The following MAP3K13 variants were observed in gnomAD, a reference collection of about 807,000 sequenced individuals.
MAP3K13 encodes leucine zipper-bearing kinase.
MAP3K13 carries 52 observed loss-of-function variants against 104.0 expected under a neutral mutation model. The ratio of observed to expected loss-of-function variants is 0.50; its 90% confidence interval spans 0.40 to 0.63. The LOEUF (loss-of-function observed/expected upper bound fraction) is 0.63. MAP3K13 is among the 20% of genes least tolerant of loss of function. MAP3K13 has a pLI of 0.00. For missense variants in MAP3K13, 914 were observed against 1,218.5 expected (o/e 0.75, Z 3.72); for synonymous variants, 394 against 442.2 (o/e 0.89, Z 1.37).
Position 185,483,102 on chromosome 3 carries a change from G to C in MAP3K13, c.*646G>C, listed in dbSNP as rs1341906384. On this transcript the variant is annotated 3_prime_UTR_variant, in exon 14 of 14. Transcript: ENST00000265026. ...ATGACCTAGAAAAGTCTGGTGACCAGATACTTGCACCCAATGTCTTCAAGG... is the reference window on the plus strand; with the variant it reads ...ATGACCTAGAAAAGTCTGGTGACCACATACTTGCACCCAATGTCTTCAAGG... 3 of 232,962 alleles carry C rather than the reference G, an allele frequency of 1.3e-5. No individual in the cohort carries two copies. The highest frequency in any genetic ancestry group is 4.4e-5 in the African/African-American group (2 of 45,346). The allele number at this position is 232,962 out of a possible 1,614,324, so 14.4% of individuals were successfully genotyped here.
intron 1 of MAP3K13, among the ~76,000 whole-genome samples, chr3:185,411,678 T>C (rs9985276): frequency 0.63 from 96,020 of 152,040 alleles, 30,614 homozygotes; most frequent in Non-Finnish European, 0.68. Context: ...TTAAATGTTA[T>C]TTTAAAAATG....
chr3:185,331,287 G>A (rs375798846), intron 2 of MAP3K13, among the ~76,000 whole-genome samples: 19 of 151,948 alleles, frequency 1.3e-4, no homozygotes, highest in African/African-American at 3.9e-4. Context: ...AGGAGATGGG[G>A]TTTCTCCATG....
At chr3:185,351,124 C>T (rs1047028984) in intron 2 of MAP3K13, among the ~76,000 whole-genome samples, 6 of 152,192 alleles carry the variant, frequency 3.9e-5, no homozygotes, top group Non-Finnish European at 7.4e-5. Context: ...GCACTAAACA[C>T]CACGTGTTCT....
intron 1 of MAP3K13, among the ~76,000 whole-genome samples, chr3:185,393,246 T>G (rs1424132709): frequency 6.6e-6 from 1 of 152,122 alleles, no homozygotes; most frequent in Non-Finnish European, 1.5e-5. Context: ...CATTAATTAA[T>G]GAGGAAACTA....
intron 1 of MAP3K13, among the ~76,000 whole-genome samples, chr3:185,371,167 T>G (rs1285171538): frequency 6.6e-6 from 1 of 152,196 alleles, no homozygotes. Context: ...AAAAAAAAGA[T>G]AAATTTTAAA....
At chr3:185,306,154 T>C (rs1473011993) in intron 2 of MAP3K13, among the ~76,000 whole-genome samples, 1 of 152,244 alleles carries the variant, frequency 6.6e-6, no homozygotes, top group Non-Finnish European at 1.5e-5. Flanking sequence ...GGTATACATA[T>C]ATCAAATTTT....
intron 10 of MAP3K13, among the ~76,000 whole-genome samples, chr3:185,467,464 T>C (rs1357400887): frequency 6.6e-6 from 1 of 152,186 alleles, no homozygotes; most frequent in East Asian, 1.9e-4. Flanking sequence ...GCAAACTCAC[T>C]GTATTAGTCC....
At chr3:185,395,357 C>CTTTCTTTTTTTTTTTTTTTT (rs1553798321) in intron 1 of MAP3K13, among the ~76,000 whole-genome samples, 11 of 69,978 alleles carry the variant, frequency 1.6e-4, no homozygotes, top group East Asian at 5.3e-4. Context: ...AATATTATTT[C>CTTTCTTTTTTTTTTTTTTTT]TTTTTTTTTT....
At position 185,418,538 on chromosome 3, in the gene MAP3K13, C is replaced by A; in HGVS notation, c.-85-9959C>A. The A allele has an allele frequency of 1.2e-6, 2 of 1,612,194 alleles. No individual in the cohort carries two copies. The highest frequency in any genetic ancestry group is 3.3e-5 in the Admixed American group (2 of 60,018). On this transcript the variant is annotated intron_variant, in intron 1 of 13. Transcript: ENST00000265026. This position sits in a 1 kb window ranked among gnomAD's most constrained non-coding sequence, Gnocchi z 4.5. ...TGGCCAGAGCGGTGAGTCCCACCAC[C>A]TCGAACTCTGGGAATTCGAGCCATA...
chr3:185,414,087 G>A (rs1464769521), intron 1 of MAP3K13, among the ~76,000 whole-genome samples: 1 of 152,136 alleles, frequency 6.6e-6, no homozygotes, highest in African/African-American at 2.4e-5. Context: ...GAGTGGAACT[G>A]GGTTCAATTC....
intron 1 of MAP3K13, among the ~76,000 whole-genome samples, chr3:185,391,693 C>T (rs569539489): frequency 1.3e-4 from 20 of 152,226 alleles, no homozygotes; most frequent in Admixed American, 5.2e-4. Context: ...TCTACTGTAG[C>T]CATTTCATGT....
chr3:185,415,415 C>T (rs1345684353), intron 1 of MAP3K13, among the ~76,000 whole-genome samples: 1 of 151,996 alleles, frequency 6.6e-6, no homozygotes, highest in East Asian at 1.9e-4. Context: ...GCTTCAGCCT[C>T]CCAAAGTGCT....
intron 1 of MAP3K13, among the ~76,000 whole-genome samples, chr3:185,382,863 A>T (rs867222549): frequency 3.3e-5 from 5 of 151,680 alleles, no homozygotes; most frequent in South Asian, 2.1e-4. Flanking sequence ...TTAATTAATT[A>T]ATTTATTATT....
intron 1 of MAP3K13, among the ~76,000 whole-genome samples, chr3:185,284,344 T>C (rs762198759): frequency 6.6e-6 from 1 of 152,164 alleles, no homozygotes; most frequent in African/African-American, 2.4e-5. Context: ...TTCTGAACAG[T>C]TGTATTAATA....
At chr3:185,441,344 A>G (rs1363227333) in intron 3 of MAP3K13, among the ~76,000 whole-genome samples, 1 of 152,168 alleles carries the variant, frequency 6.6e-6, no homozygotes, top group Admixed American at 6.5e-5. Flanking sequence ...TTAGTCAAGA[A>G]GGTTGAGGTG....
At chr3:185,361,723 G>A (rs1723637657), upstream of MAP3K13, among the ~76,000 whole-genome samples, 2 of 152,112 alleles carry the variant, frequency 1.3e-5, no homozygotes, top group South Asian at 2.1e-4. Flanking sequence ...TAAATAATGT[G>A]GTACACTGAG....
At chr3:185,334,306 C>T (rs924729345) in intron 2 of MAP3K13, among the ~76,000 whole-genome samples, 1 of 152,148 alleles carries the variant, frequency 6.6e-6, no homozygotes, top group Admixed American at 6.5e-5. Context: ...ACGAAATTGA[C>T]AAGCTATTTC....
intron 4 of MAP3K13, 84 bp from the exon 5 acceptor site, chr3:185,447,705 A>G: frequency 9.4e-7 from 1 of 1,059,464 alleles, no homozygotes; most frequent in Non-Finnish European, 1.4e-6. Flanking sequence ...AGTAGCAGAT[A>G]AAGTCTTCAG....
intron 1 of MAP3K13, 82 bp from the exon 2 acceptor site, chr3:185,428,415 G>GT (rs1281878299): frequency 1.6e-3 from 1,371 of 873,928 alleles, no homozygotes; most frequent in Non-Finnish European, 1.8e-3. Flanking sequence ...CATTGTTTCA[G>GT]TTTTTTTTAA....
Sources: gnomAD v4.1 joint callset for allele counts (sites outside exome capture counted in the v4.1 genomes callset) on GRCh38, gnomAD v4.1.1 for gene constraint, Gnocchi (gnomAD v3.1) non-coding constraint, MANE v1.5 for transcripts, NCBI Gene and HGNC (gene_info 2026-07-23, HGNC 2026-07-21) for gene names.